Variants in SLC9C1 observed in about 807,000 individuals in gnomAD.
SLC9C1 encodes solute carrier family 9 member C1, also known as sodium/hydrogen exchanger 10.
A neutral mutation model predicts 140.9 loss-of-function variants in SLC9C1; 97 were observed. That is an observed-to-expected ratio of 0.69 (90% CI 0.58 to 0.82). The LOEUF is 0.82. Among genes scored for constraint, SLC9C1 ranks in the 40% least tolerant of loss-of-function variants. The pLI is 0.00. For synonymous variants in SLC9C1, 440 were observed against 442.6 expected (o/e 0.99, Z 0.07); for missense variants, 1,340 against 1,389.3 (o/e 0.96, Z 0.56).
chr3:112,202,137 G>T lies in SLC9C1; in HGVS notation c.2322+113C>A, dbSNP rs570677776. On this transcript the variant is annotated intron_variant, in intron 18 of 28. Transcript: ENST00000305815. ...ACCTAGTTTAAGTTTTTAAAGAAAT[G>T]AATTAGAAAACCAGGAGTCAAAGAC... 6.7e-6 allele frequency: 8 copies of T among 1,187,518 alleles called. No individual in the cohort carries two copies. The East Asian group carries it at 1.2e-4, about 18-fold the overall frequency. 73.6% of individuals were successfully genotyped at this position (1,187,518 alleles called of 1,614,324 possible).
intron 26 of SLC9C1, among the ~76,000 whole-genome samples, chr3:112,161,465 A>T (rs2075296886): frequency 1.3e-5 from 2 of 152,180 alleles, no homozygotes; most frequent in East Asian, 3.8e-4. Flanking sequence ...TAAGGAAGGG[A>T]TCCAGTTTCA....
chr3:112,234,626 C>G (rs995185302), intron 12 of SLC9C1, among the ~76,000 whole-genome samples: 3 of 152,192 alleles, frequency 2.0e-5, no homozygotes, highest in African/African-American at 7.2e-5. Context: ...ACATTTAAGT[C>G]TTTAATCCAT....
At chr3:112,195,926 G>C (rs1363214763) in intron 20 of SLC9C1, among the ~76,000 whole-genome samples, 1 of 152,030 alleles carries the variant, frequency 6.6e-6, no homozygotes, top group Admixed American at 6.6e-5. Context: ...ACAAAAAGTG[G>C]AGTTACACAT....
chr3:112,225,450 A>T (rs747051641), intron 13 of SLC9C1, among the ~76,000 whole-genome samples: 1 of 152,140 alleles, frequency 6.6e-6, no homozygotes, highest in Non-Finnish European at 1.5e-5. Flanking sequence ...GAGCAGATAC[A>T]CAAATCTTAA....
chr3:112,238,807 T>C (rs1275631201), intron 12 of SLC9C1, among the ~76,000 whole-genome samples: 2 of 152,200 alleles, frequency 1.3e-5, no homozygotes, highest in Non-Finnish European at 2.9e-5. Context: ...TGTCTGATTG[T>C]TCCTCTGGAG....
chr3:112,174,332 A>AT (rs2077297304), intron 23 of SLC9C1, among the ~76,000 whole-genome samples: 3 of 151,864 alleles, frequency 2.0e-5, no homozygotes, highest in Admixed American at 2.0e-4. Context: ...TGACCTTAGG[A>AT]TTTTTCATGC....
At chr3:112,235,464 AT>A (rs2078958052) in intron 12 of SLC9C1, among the ~76,000 whole-genome samples, 1 of 151,214 alleles carries the variant, frequency 6.6e-6, no homozygotes, top group Non-Finnish European at 1.5e-5. Flanking sequence ...ACTACCCTTT[AT>A]TTCCTTCTCC....
chr3:112,237,558 T>C (rs1056594114), intron 12 of SLC9C1, among the ~76,000 whole-genome samples: 2 of 152,340 alleles, frequency 1.3e-5, no homozygotes, highest in Admixed American at 1.3e-4. Context: ...GCATCGATGG[T>C]CTTTACAATT....
chr3:112,183,821 TC>T (rs1002162272), intron 20 of SLC9C1, among the ~76,000 whole-genome samples: 1 of 53,764 alleles, frequency 1.9e-5, no homozygotes, highest in African/African-American at 8.4e-5. Flanking sequence ...CCTTGTGCAA[TC>T]GGCTACATCG....
chr3:112,273,688 A>G (rs900099197), intron 6 of SLC9C1, among the ~76,000 whole-genome samples: 2 of 152,170 alleles, frequency 1.3e-5, no homozygotes, highest in African/African-American at 2.4e-5. Flanking sequence ...TTGCACAACA[A>G]TGAAGCACTC....
intron 23 of SLC9C1, among the ~76,000 whole-genome samples, chr3:112,173,658 A>G (rs781365135): frequency 3.4e-4 from 51 of 152,204 alleles, no homozygotes; most frequent in African/African-American, 8.4e-4. Context: ...TGTATGTACC[A>G]CATTTTCTTT....
chr3:112,211,909 T>A (rs2078218020), intron 15 of SLC9C1, among the ~76,000 whole-genome samples: 1 of 152,192 alleles, frequency 6.6e-6, no homozygotes, highest in Non-Finnish European at 1.5e-5. Context: ...GACTGCCTCC[T>A]CAAGTGGATC....
At chr3:112,159,780 CTTGTTTAATTGACCCTT>C (rs1334493025) in intron 26 of SLC9C1, among the ~76,000 whole-genome samples, 3 of 151,872 alleles carry the variant, frequency 2.0e-5, no homozygotes, top group Admixed American at 6.6e-5. Flanking sequence ...GTTATATCCT[CTTGTTTAATTGACCCTT>C]TTTTATTATA....
chr3:112,217,400 G>T (rs2078410528), intron 15 of SLC9C1, 42 bp downstream of exon 15: 2 of 1,510,266 alleles, frequency 1.3e-6, no homozygotes, highest in Non-Finnish European at 1.8e-6. Context: ...GGAATTTCAA[G>T]TGAATATAAT....
At chr3:112,187,742 TC>T (rs1367737720) in intron 20 of SLC9C1, among the ~76,000 whole-genome samples, 2 of 152,120 alleles carry the variant, frequency 1.3e-5, no homozygotes, top group Non-Finnish European at 2.9e-5. Context: ...TTTCCTTCTT[TC>T]CTTCTCATTT....
intron 27 of SLC9C1, among the ~76,000 whole-genome samples, chr3:112,152,529 C>T (rs1424154146): frequency 6.6e-6 from 1 of 151,902 alleles, no homozygotes; most frequent in Non-Finnish European, 1.5e-5. Flanking sequence ...CTGATCTCAA[C>T]TGCAAAGAGG....
At chr3:112,182,319 C>G in intron 20 of SLC9C1, 61 bp from the exon 21 acceptor site, 1 of 1,520,058 alleles carries the variant, frequency 6.6e-7, no homozygotes, top group Non-Finnish European at 8.8e-7. Context: ...ATGTTTAAGG[C>G]AGACAGGTCT....
At chr3:112,189,257 GC>G (rs2077601291) in intron 20 of SLC9C1, among the ~76,000 whole-genome samples, 1 of 152,066 alleles carries the variant, frequency 6.6e-6, no homozygotes, top group Non-Finnish European at 1.5e-5. Context: ...GTCAATTTTG[GC>G]TTTTGTTGCC....
At chr3:112,248,111 T>G (rs2079343732) in intron 10 of SLC9C1, among the ~76,000 whole-genome samples, 1 of 152,162 alleles carries the variant, frequency 6.6e-6, no homozygotes, top group Admixed American at 6.6e-5. Context: ...GCTACCATAT[T>G]GCAAGCTGAC....
Sources: gnomAD v4.1 joint callset for allele counts (sites outside exome capture counted in the v4.1 genomes callset) on GRCh38, gnomAD v4.1.1 for gene constraint, MANE v1.5 for transcripts, NCBI Gene and HGNC (gene_info 2026-07-23, HGNC 2026-07-21) for gene names.